Variants in ANPEP observed in about 807,000 individuals in gnomAD.
The protein encoded by ANPEP is aminopeptidase N.
ANPEP carries 70 observed loss-of-function variants against 114.6 expected under a neutral mutation model. The ratio of observed to expected loss-of-function variants is 0.61; its 90% confidence interval spans 0.50 to 0.75. The LOEUF is 0.75. Among genes scored for constraint, ANPEP ranks in the 30% least tolerant of loss-of-function variants. The probability of loss-of-function intolerance (pLI) is 0.00; values close to 1 mark genes in which losing one functional copy is unlikely to be tolerated. For missense variants in ANPEP, 1,184 were observed against 1,259.5 expected (o/e 0.94, Z 0.91); for synonymous variants, 548 against 522.3 (o/e 1.05, Z -0.67).
At chr15:89,791,384 G>A (rs995197901) in intron 18 of ANPEP, among the ~76,000 whole-genome samples, 7 of 152,046 alleles carry the variant, frequency 4.6e-5, no homozygotes, top group Non-Finnish European at 5.9e-5. Flanking sequence ...CCAGGTGGGT[G>A]GTCACTCCCG....
chr15:89,809,890 C>T (rs147585708), intron 1 of ANPEP, among the ~76,000 whole-genome samples: 8 of 152,338 alleles, frequency 5.3e-5, no homozygotes, highest in Non-Finnish European at 8.8e-5. Flanking sequence ...CCCAGATCAT[C>T]GGGGCTTTTT....
In ANPEP at chr15:89,792,253, G is replaced by A; in HGVS notation, c.2435C>T (p.Ala812Val). The A allele has an allele frequency of 6.2e-7, 1 of 1,614,232 alleles. No homozygotes were observed. The highest frequency in any genetic ancestry group is 8.5e-7 in the Non-Finnish European group (1 of 1,180,044). The change falls in exon 18 of 21, where the codon GCC becomes GTC. Residue 812 changes from alanine (A) to valine (V), a missense_variant. Transcript: ENST00000300060. ...TGTGGCATTTCGGAACTGCTCCCAG[G>A]CGAAGTCCCACTCCTCCTCCCCGCC... ...AQGGEEEWDF[A>V]WEQFRNATLV...
intron 20 of ANPEP, 21 bp downstream of exon 20, chr15:89,790,439 G>C (rs766184929): frequency 1.2e-6 from 2 of 1,608,876 alleles, no homozygotes; most frequent in Non-Finnish European, 1.7e-6. Flanking sequence ...CAGAGCCCAG[G>C]TCTGGGGAAT....
rs556059291 is a variant in ANPEP, at chr15:89,791,814, G to A, written c.2528+346C>T. ...CATATGAGGCACATGGTGGGAGGTG[G>A]GGACCCTCATCCAAGGGCTTGAGGG... On this transcript the variant is annotated intron_variant, in intron 18 of 20. Transcript: ENST00000300060. 4.6e-5 allele frequency among the ~76,000 whole-genome samples: 7 copies of A among 152,066 alleles called. No individual in the cohort carries two copies. In the East Asian group the frequency reaches 1.4e-3, roughly 29 times the overall value.
rs183850525 is a variant in ANPEP, at chr15:89,790,010, G to C, written c.2751+450C>G. On this transcript the variant is annotated intron_variant, in intron 20 of 20. Coordinates refer to ENST00000300060, the MANE Select transcript of ANPEP (RefSeq NM_001150.3). ...GGAGGCGGAGCTTGCAGTGAGCCCA[G>C]ATCGCACCACTGCACTCCAGCCTGG... Among the ~76,000 whole-genome samples the C allele has an allele frequency of 8.9e-3, 1,298 of 145,326 alleles. 16 individuals carry two copies. The highest frequency in any genetic ancestry group is 0.014 in the Non-Finnish European group (973 of 67,132).
chr15:89,806,142 G>T lies in ANPEP; in HGVS notation c.442C>A (p.Pro148Thr). Residue 148 changes from proline (P) to threonine (T), a missense_variant, in exon 2 of 21, where the codon CCC becomes ACC. Transcript: ENST00000300060. This position sits in a 1 kb window ranked among gnomAD's most constrained non-coding sequence, Gnocchi z 5.7. ...ACCAGCTCAGTCTTGTCAATGTCGG[G>T]GGGCTGGGAGCCTCCCACACCACGC... ...VLRGVGGSQP[P>T]DIDKTELVEP... 3 of 1,614,070 alleles carry T rather than the reference G, an allele frequency of 1.9e-6. No homozygotes were observed. Among genetic ancestry groups the T allele is most frequent in the Non-Finnish European group, 2.5e-6 (3 of 1,179,992 alleles).
rs369610508 is a variant in ANPEP, at chr15:89,803,907, C to T, written c.1275G>A (p.Ala425=). 27 of 1,614,060 alleles carry T rather than the reference C, an allele frequency of 1.7e-5. No homozygotes were observed. The Middle Eastern group carries it at 9.9e-4, about 59-fold the overall frequency. The change falls in exon 7 of 21, where the codon GCG becomes GCA. Residue 425 remains alanine, a synonymous_variant. Coordinates refer to ENST00000300060, the MANE Select transcript of ANPEP (RefSeq NM_001150.3). This position sits in a 1 kb window ranked among gnomAD's most constrained non-coding sequence, Gnocchi z 4.2. ...GGCTTACCAAGTTCCAGGTGGGCTC[C>T]GCATAGTCAGCACCCAGGTACTCCA... is the stretch of plus-strand genomic sequence containing the variant. ...SYVEYLGADY[A]EPTWNLKDLM... is the part of the protein sequence containing the mutation.
intron 15 of ANPEP, 129 bp from the exon 16 acceptor site, chr15:89,793,255 A>C: frequency 5.6e-6 from 4 of 716,228 alleles, no homozygotes; most frequent in Non-Finnish European, 9.5e-6. Flanking sequence ...CCTGAGGCCA[A>C]ACAGTGCTCA....
At chr15:89,802,869 CG>C (rs984489041) in intron 10 of ANPEP, 10 of 271,850 alleles carry the variant, frequency 3.7e-5, no homozygotes, top group African/African-American at 2.2e-4. Context: ...GTGGCGCCAG[CG>C]GGGGGCACAG....
chr15:89,794,657 C>T (rs1363818972), intron 15 of ANPEP, among the ~76,000 whole-genome samples: 2 of 151,730 alleles, frequency 1.3e-5, no homozygotes, highest in Non-Finnish European at 2.9e-5. Context: ...CCTCACCACC[C>T]CATGAGAGAG....
chr15:89,812,415 G>T (rs1161573875), intron 1 of ANPEP, among the ~76,000 whole-genome samples: 2 of 152,238 alleles, frequency 1.3e-5, no homozygotes, highest in African/African-American at 4.8e-5. Context: ...GGCTTCTGAG[G>T]CCTCCGCCCA....
Position 89,806,280 on chromosome 15 carries a change from C to A in ANPEP, c.304G>T (p.Val102Phe), listed in dbSNP as rs769850318. 2 of 1,614,064 alleles carry A rather than the reference C, an allele frequency of 1.2e-6. No individual in the cohort carries two copies. Among genetic ancestry groups the A allele is most frequent in the South Asian group, 2.2e-5 (2 of 91,082 alleles). Reference protein sequence around the residue: ...YLTPNDRGLYVFKGSSTVRFT... With the variant: ...YLTPNDRGLYFFKGSSTVRFT... Reference sequence around the variant, plus strand: ...CGGACGGTGCTGGAGCCCTTAAAAACGTACAGGCCCCTGTCATTGGGGGTG... The same window carrying A: ...CGGACGGTGCTGGAGCCCTTAAAAAAGTACAGGCCCCTGTCATTGGGGGTG... The change falls in exon 2 of 21, where the codon GTT becomes TTT. Residue 102 changes from valine to phenylalanine, a missense_variant. Coordinates refer to ENST00000300060, the MANE Select transcript of ANPEP (RefSeq NM_001150.3). The surrounding 1 kb of genome is among the most constrained non-coding windows in gnomAD (Gnocchi z 5.7).
intron 15 of ANPEP, among the ~76,000 whole-genome samples, chr15:89,793,763 A>G (rs1363760664): frequency 6.6e-6 from 1 of 151,956 alleles, no homozygotes; most frequent in Non-Finnish European, 1.5e-5. Flanking sequence ...AACACAGAGA[A>G]GTATATGCAG....
chr15:89,787,220 A>G (rs1596158786), intron 20 of ANPEP, among the ~76,000 whole-genome samples: 1 of 151,440 alleles, frequency 6.6e-6, no homozygotes, highest in South Asian at 2.1e-4. Context: ...TAATTTTCGT[A>G]TTTTTTAGTA....
At chr15:89,801,086 T>G in intron 12 of ANPEP, 25 bp downstream of exon 12, 1 of 1,606,904 alleles carries the variant, frequency 6.2e-7, no homozygotes, top group Non-Finnish European at 8.5e-7. Context: ...TGGGGGCTGC[T>G]GCCCATAAGG....
At chr15:89,792,124 A>G (rs1221577050) in intron 18 of ANPEP, 36 bp downstream of exon 18, 2 of 1,590,690 alleles carry the variant, frequency 1.3e-6, no homozygotes, top group Non-Finnish European at 1.7e-6. Context: ...AGGTGGGGAG[A>G]GGGCTCTCGC....
chr15:89,803,390 G>A lies in ANPEP; in HGVS notation c.1503+52C>T, dbSNP rs372965368. 2.8e-4 allele frequency: 458 copies of A among 1,612,872 alleles called. No homozygotes were observed. Among genetic ancestry groups the A allele is most frequent in the Non-Finnish European group, 3.6e-4 (428 of 1,179,222 alleles). On this transcript the variant is annotated intron_variant, in intron 9 of 20. Transcript: ENST00000300060. The surrounding 1 kb of genome is among the most constrained non-coding windows in gnomAD (Gnocchi z 4.2). Reference sequence around the variant, plus strand: ...GTGGGCAGAGGCCCGGGTCAAGGGCGAGGGGCAGAAGGAGACCCACCCTCA... The same window carrying A: ...GTGGGCAGAGGCCCGGGTCAAGGGCAAGGGGCAGAAGGAGACCCACCCTCA...
At position 89,805,957 on chromosome 15, in the gene ANPEP, A is replaced by G. The variant is rs1265837509; in HGVS notation, c.614+13T>C. Reference sequence around the variant, plus strand: ...TCGGATCCACCCCACCGGGCAGCCCAGCCGGAACTCACTTTCTGACATTGC... The same window carrying G: ...TCGGATCCACCCCACCGGGCAGCCCGGCCGGAACTCACTTTCTGACATTGC... On this transcript the variant is annotated intron_variant, in intron 2 of 20. Transcript: ENST00000300060. The G allele has an allele frequency of 6.4e-7, 1 of 1,573,690 alleles. No individual in the cohort carries two copies. Among genetic ancestry groups the G allele is most frequent in the Admixed American group, 1.7e-5 (1 of 58,206 alleles).
Position 89,792,966 on chromosome 15 carries a change from C to A in ANPEP, c.2249+69G>T, listed in dbSNP as rs901939091. The A allele has an allele frequency of 3.7e-6, 5 of 1,341,846 alleles. No homozygotes were observed. In the African/African-American group the frequency reaches 5.8e-5, roughly 16 times the overall value. 83.1% of individuals were successfully genotyped at this position (1,341,846 alleles called of 1,614,324 possible). A position where few individuals can be genotyped will look rare whatever the true frequency, so the allele number is the denominator to read the frequency against. The stretch of plus-strand genomic sequence containing the variant: ...GCATTGAGAGCTGCGGCAGAGAACA[C>A]TGCCAGGATGTTGCTCTTGACTCCC... On this transcript the variant is annotated intron_variant, in intron 16 of 20. Transcript: ENST00000300060.
Sources: allele counts gnomAD v4.1 joint callset (sites outside exome capture counted in the v4.1 genomes callset), GRCh38; gene constraint gnomAD v4.1.1; non-coding constraint Gnocchi (gnomAD v3.1); transcripts MANE v1.5; gene names NCBI Gene and HGNC (gene_info 2026-07-23, HGNC 2026-07-21).